The following RAPH1 variants were observed in gnomAD, a reference collection of about 807,000 sequenced individuals.
The protein encoded by RAPH1 is ras-associated and pleckstrin homology domains-containing protein 1.
RAPH1 carries 18 observed loss-of-function variants against 88.1 expected under a neutral mutation model. The ratio of observed to expected loss-of-function variants is 0.20; its 90% CI spans 0.14 to 0.30. The LOEUF (loss-of-function observed/expected upper bound fraction) is 0.30. RAPH1 is among the 10% of genes least tolerant of loss of function. The pLI is 1.00. For missense variants in RAPH1, 1,448 were observed against 1,543.2 expected, an observed-to-expected ratio of 0.94 and a Z score of 1.03; for synonymous variants, 587 against 559.0, an observed-to-expected ratio of 1.05 and a Z score of -0.71.
intron 1 of RAPH1, among the ~76,000 whole-genome samples, chr2:203,500,156 G>A (rs1255013575): frequency 6.6e-6 from 1 of 152,132 alleles, no homozygotes; most frequent in Non-Finnish European, 1.5e-5. Context: ...GAACAGAAAA[G>A]GAAACCAACA....
At chr2:203,458,593 C>T (rs538949135) in intron 7 of RAPH1, among the ~76,000 whole-genome samples, 1 of 152,246 alleles carries the variant, frequency 6.6e-6, no homozygotes, top group Admixed American at 6.5e-5. Context: ...TAATACAATG[C>T]CTACCTATCA....
chr2:203,464,900 A>G (rs1245171070), intron 4 of RAPH1, among the ~76,000 whole-genome samples: 1 of 152,228 alleles, frequency 6.6e-6, no homozygotes, highest in Non-Finnish European at 1.5e-5. Flanking sequence ...AAAGATGTTC[A>G]ACATTATTTG....
chr2:203,470,165 G>T, intron 4 of RAPH1: 1 of 942,958 alleles, frequency 1.1e-6, no homozygotes, highest in South Asian at 1.6e-5. Context: ...TAATATAAGA[G>T]CATGATCAAA....
At chr2:203,447,615 A>C (rs2098511134) in intron 12 of RAPH1, 1 of 160,826 alleles carries the variant, frequency 6.2e-6, no homozygotes. Flanking sequence ...CAGCTTCTTC[A>C]TGGTTTCTGA....
intron 10 of RAPH1, among the ~76,000 whole-genome samples, chr2:203,452,619 C>A (rs2098515843): frequency 6.6e-6 from 1 of 152,088 alleles, no homozygotes; most frequent in Admixed American, 6.6e-5. Context: ...TCCACCCCAG[C>A]AATACTTACA....
chr2:203,475,883 ATATAT>A (rs1346460443), intron 4 of RAPH1, among the ~76,000 whole-genome samples: 1 of 151,962 alleles, frequency 6.6e-6, no homozygotes, highest in Non-Finnish European at 1.5e-5. Flanking sequence ...ACTAAAACAG[ATATAT>A]TATTTATTAT....
chr2:203,473,622 T>C (rs2098535036), intron 4 of RAPH1, among the ~76,000 whole-genome samples: 1 of 152,094 alleles, frequency 6.6e-6, no homozygotes, highest in Non-Finnish European at 1.5e-5. Context: ...ATGGAGATCT[T>C]ACTGTAACTG....
intron 1 of RAPH1, among the ~76,000 whole-genome samples, chr2:203,511,132 G>C (rs981343270): frequency 2.0e-5 from 3 of 152,004 alleles, no homozygotes; most frequent in Admixed American, 2.0e-4. Flanking sequence ...GCTCTGGAAA[G>C]AGAGAAACCA....
At chr2:203,458,940 T>G (rs1215648977) in intron 7 of RAPH1, among the ~76,000 whole-genome samples, 1 of 152,098 alleles carries the variant, frequency 6.6e-6, no homozygotes, top group Non-Finnish European at 1.5e-5. Flanking sequence ...TTTTTTGTAT[T>G]TTTAGTAGAG....
intron 12 of RAPH1, chr2:203,446,863 C>T (rs2098510173): frequency 6.6e-6 from 1 of 151,542 alleles, no homozygotes; most frequent in Non-Finnish European, 1.5e-5. Context: ...CCTGCCTCAG[C>T]CTCCTGAGTT....
rs1402492736 is a variant in RAPH1 at position 203,434,903 on chromosome 2, C to G, written c.*4534G>C. 1 of 152,586 alleles carries G rather than the reference C, an allele frequency of 6.6e-6. No individual in the cohort carries two copies. The highest frequency in any genetic ancestry group is 1.5e-5 in the Non-Finnish European group (1 of 68,042). The allele number at this position is 152,586 out of a possible 1,614,324, so 9.5% of individuals were successfully genotyped here. ...GGGTAGTGATGTCTCTTGTGAGACA[C>G]TTTTCATTTCTGCCAAAACTAGAAA... On this transcript the variant is annotated 3_prime_UTR_variant, in exon 14 of 14. Transcript: ENST00000319170.
chr2:203,514,679 C>A (rs532569637), intron 1 of RAPH1, among the ~76,000 whole-genome samples: 1 of 151,990 alleles, frequency 6.6e-6, no homozygotes, highest in Admixed American at 6.6e-5. Flanking sequence ...CTCAGCCTCC[C>A]GAGTAGCTGG....
chr2:203,452,460 A>C lies in RAPH1; in HGVS notation c.1413+1970T>G, dbSNP rs1431063477. 2.0e-5 allele frequency among the ~76,000 whole-genome samples: 3 copies of C among 152,234 alleles called. No homozygotes were observed. In the East Asian group the frequency reaches 5.8e-4, roughly 29 times the overall value. On this transcript the variant is annotated intron_variant, in intron 10 of 13. Transcript: ENST00000319170. ...CCTTGTTAAAATAACTCGTATCTTT[A>C]AGGCTTCACATATAATTTAGTTGCT...
At chr2:203,455,302 TAAAC>T in intron 9 of RAPH1, 131 bp downstream of exon 9, 1 of 769,154 alleles carries the variant, frequency 1.3e-6, no homozygotes, top group Non-Finnish European at 2.0e-6. Context: ...AATAGATTAA[TAAAC>T]AAAGCAATAT....
intron 13 of RAPH1, chr2:203,444,609 T>C (rs2098507731): frequency 4.7e-6 from 2 of 424,456 alleles, no homozygotes; most frequent in African/African-American, 2.0e-5. Flanking sequence ...GATGAAAGAA[T>C]TAAACTGCCA....
At chr2:203,457,257 G>A (rs887914851) in intron 8 of RAPH1, among the ~76,000 whole-genome samples, 12 of 151,770 alleles carry the variant, frequency 7.9e-5, no homozygotes, top group African/African-American at 2.4e-4. Flanking sequence ...GTGCAATCTC[G>A]GCTCGCTGCA....
At chr2:203,497,026 TC>T (rs971858365) in intron 1 of RAPH1, among the ~76,000 whole-genome samples, 1 of 152,146 alleles carries the variant, frequency 6.6e-6, no homozygotes, top group African/African-American at 2.4e-5. Context: ...CTTCCAAAAC[TC>T]AAGTGTTGCC....
At chr2:203,500,865 C>CA (rs1418378704) in intron 1 of RAPH1, among the ~76,000 whole-genome samples, 1 of 152,150 alleles carries the variant, frequency 6.6e-6, no homozygotes, top group Non-Finnish European at 1.5e-5. Flanking sequence ...ATTCCTCTTC[C>CA]ATTACCATAG....
Position 203,448,200 on chromosome 2 carries a change from T to G in RAPH1, c.1513-121A>C. 3.6e-6 allele frequency: 3 copies of G among 825,778 alleles called. No homozygotes were observed. The highest frequency in any genetic ancestry group is 5.3e-6 in the Non-Finnish European group (3 of 562,016). 51.2% of individuals were successfully genotyped at this position (825,778 alleles called of 1,614,324 possible). On this transcript the variant is annotated intron_variant, in intron 11 of 13. Coordinates refer to ENST00000319170, the MANE Select transcript of RAPH1 (RefSeq NM_213589.3). This position sits in a 1 kb window ranked among gnomAD's most constrained non-coding sequence, Gnocchi z 4.1. ...GATGGTCTGTATTAAAATTAATACC[T>G]ATGATAGTTCAAAAATTCCTCTAAT...
Sources: gnomAD v4.1 joint callset for allele counts (sites outside exome capture counted in the v4.1 genomes callset) on GRCh38, gnomAD v4.1.1 for gene constraint, Gnocchi (gnomAD v3.1) non-coding constraint, MANE v1.5 for transcripts, NCBI Gene and HGNC (gene_info 2026-07-23, HGNC 2026-07-21) for gene names.